AP2B1: variants seen among roughly 807,000 people sequenced by gnomAD.
AP2B1 encodes AP-2 complex subunit beta.
Under a neutral mutation model 102.0 loss-of-function variants are expected in AP2B1, and 23 were observed. That is an observed-to-expected ratio of 0.23 (90% CI 0.16 to 0.32). The LOEUF (loss-of-function observed/expected upper bound fraction) is 0.32. AP2B1 is among the 10% of genes least tolerant of loss of function. The pLI, the probability that AP2B1 is intolerant of heterozygous loss-of-function variation, is 1.00. For missense variants in AP2B1, 541 were observed against 1,157.4 expected, an observed-to-expected ratio of 0.47 and a Z score of 7.73; for synonymous variants, 381 against 421.2, an observed-to-expected ratio of 0.90 and a Z score of 1.17.
chr17:35,681,602 G>A (rs960171165), intron 17 of AP2B1, among the ~76,000 whole-genome samples: 11 of 151,680 alleles, frequency 7.3e-5, no homozygotes, highest in Non-Finnish European at 7.4e-5. Context: ...TTTTTTGGTG[G>A]GGGGTGGGCA....
At chr17:35,612,276 G>A (rs1400599291) in intron 5 of AP2B1, among the ~76,000 whole-genome samples, 1 of 152,118 alleles carries the variant, frequency 6.6e-6, no homozygotes, top group Non-Finnish European at 1.5e-5. Context: ...TCACAAGCCT[G>A]AGAACAGAGT....
chr17:35,650,985 C>T (rs1211933762), intron 13 of AP2B1, 196 bp downstream of exon 13: 4 of 569,248 alleles, frequency 7.0e-6, no homozygotes, highest in African/African-American at 5.6e-5. Flanking sequence ...ATCTGAATAC[C>T]AGTGACCACA....
At chr17:35,707,331 T>G (rs998289478) in intron 18 of AP2B1, among the ~76,000 whole-genome samples, 3 of 151,786 alleles carry the variant, frequency 2.0e-5, no homozygotes, top group African/African-American at 7.3e-5. Context: ...TTTTTGTATT[T>G]TAGTAGAGAC....
chr17:35,596,937 G>A (rs935931811), intron 2 of AP2B1: 1 of 695,742 alleles, frequency 1.4e-6, no homozygotes, highest in South Asian at 1.4e-5. Flanking sequence ...TATGCCAGGA[G>A]GCCATTGTGG....
rs570927464 is a variant in AP2B1 at position 35,640,024 on chromosome 17, C to T, written c.1437+264C>T. Among the ~76,000 whole-genome samples the T allele has an allele frequency of 3.9e-5, 6 of 152,072 alleles. No individual in the cohort carries two copies. In the South Asian group the frequency reaches 6.2e-4, roughly 16 times the overall value. ...CTTTGCCTCCTGGGTTCAAGCGATT[C>T]TCCTGCTTCAGCCTCCCAAGTAGCT... On this transcript the variant is annotated intron_variant, in intron 11 of 21. Coordinates refer to ENST00000610402, the MANE Select transcript of AP2B1 (RefSeq NM_001030006.2).
At chr17:35,701,940 CATT>C (rs59042387) in intron 18 of AP2B1, among the ~76,000 whole-genome samples, 1,525 of 152,248 alleles carry the variant, frequency 0.01, 19 homozygotes, top group African/African-American at 0.035. Flanking sequence ...CTTTTAAGTT[CATT>C]ATTGTGTAAA....
At chr17:35,588,067 T>C (rs1398649239) in intron 1 of AP2B1, among the ~76,000 whole-genome samples, 2 of 3,036 alleles carry the variant, frequency 6.6e-4, no homozygotes, top group Non-Finnish European at 1.1e-3. Context: ...ACCCAGCATC[T>C]TTTTTTTTTT....
chr17:35,589,958 C>A (rs951775267), intron 1 of AP2B1, among the ~76,000 whole-genome samples: 2 of 136,670 alleles, frequency 1.5e-5, no homozygotes, highest in Non-Finnish European at 3.1e-5. Flanking sequence ...CGGAGTCTCA[C>A]TCTTTCGCCC....
At chr17:35,666,623 A>G (rs947116182) in intron 14 of AP2B1, among the ~76,000 whole-genome samples, 1 of 152,190 alleles carries the variant, frequency 6.6e-6, no homozygotes, top group Non-Finnish European at 1.5e-5. Context: ...AACAATAGTG[A>G]GTGGACACCT....
chr17:35,680,778 C>T (rs1457915529), intron 17 of AP2B1, among the ~76,000 whole-genome samples: 4 of 148,798 alleles, frequency 2.7e-5, no homozygotes, highest in Non-Finnish European at 5.9e-5. Flanking sequence ...CTCACTGCAA[C>T]TTCCGCCTCC....
chr17:35,707,389 G>A (rs1391979713), intron 18 of AP2B1, among the ~76,000 whole-genome samples: 1 of 151,558 alleles, frequency 6.6e-6, no homozygotes. Context: ...CTGACCTCGT[G>A]ATCTGCCTGC....
chr17:35,639,188 C>G lies in AP2B1; in HGVS notation c.1272-407C>G, dbSNP rs566494516. Among the ~76,000 whole-genome samples, 54 of 152,200 alleles carry G rather than the reference C, an allele frequency of 3.5e-4. No homozygotes were observed. The South Asian group carries it at 4.6e-3, about 13-fold the overall frequency. The stretch of plus-strand genomic sequence containing the variant: ...CTACAAAAAAATTTTTAAAATTTAG[C>G]TGAGTGTGGTGGCACTAAATTGTAG... On this transcript the variant is annotated intron_variant, in intron 10 of 21. Coordinates refer to ENST00000610402, the MANE Select transcript of AP2B1 (RefSeq NM_001030006.2).
chr17:35,688,437 T>C (rs2075978581), intron 18 of AP2B1, among the ~76,000 whole-genome samples: 1 of 152,184 alleles, frequency 6.6e-6, no homozygotes, highest in Non-Finnish European at 1.5e-5. Flanking sequence ...TGTGCCTCAT[T>C]GTGACTCTGT....
chr17:35,690,551 C>G (rs1369326118), intron 18 of AP2B1, among the ~76,000 whole-genome samples: 1 of 152,170 alleles, frequency 6.6e-6, no homozygotes, highest in African/African-American at 2.4e-5. Flanking sequence ...GCCTAGAGAC[C>G]TAAGAGCTGT....
intron 8 of AP2B1, 23 bp downstream of exon 8, chr17:35,627,528 G>C (rs779064957): frequency 6.2e-7 from 1 of 1,613,954 alleles, no homozygotes; most frequent in East Asian, 2.2e-5. Flanking sequence ...GCAGACTCAA[G>C]TTGATGATGA....
intron 17 of AP2B1, among the ~76,000 whole-genome samples, chr17:35,682,312 A>T (rs1294836740): frequency 6.6e-6 from 1 of 150,696 alleles, no homozygotes; most frequent in Non-Finnish European, 1.5e-5. Flanking sequence ...TTAAAACCCA[A>T]AGATATGGCA....
intron 18 of AP2B1, among the ~76,000 whole-genome samples, chr17:35,706,945 C>T (rs770215342): frequency 6.6e-6 from 1 of 152,172 alleles, no homozygotes; most frequent in Non-Finnish European, 1.5e-5. Context: ...AGCCACCACA[C>T]CCGGCCCCAG....
chr17:35,710,387 C>A, intron 20 of AP2B1, 67 bp downstream of exon 20: 1 of 1,139,068 alleles, frequency 8.8e-7, no homozygotes, highest in Non-Finnish European at 1.3e-6. Flanking sequence ...AAATTTTAAT[C>A]TTTCTTTTGC....
intron 15 of AP2B1, among the ~76,000 whole-genome samples, chr17:35,671,259 C>G (rs1193377726): frequency 1.3e-5 from 2 of 152,056 alleles, no homozygotes; most frequent in Admixed American, 1.3e-4. Context: ...AGACTCTCCT[C>G]GTAAATGAGT....
Sources: gnomAD v4.1 joint callset for allele counts (sites outside exome capture counted in the v4.1 genomes callset) on GRCh38, gnomAD v4.1.1 for gene constraint, MANE v1.5 for transcripts, NCBI Gene and HGNC (gene_info 2026-07-23, HGNC 2026-07-21) for gene names.